LIG3: variants seen among roughly 807,000 people sequenced by gnomAD.
LIG3 encodes ligase II, DNA, ATP-dependent.
LIG3 carries 58 observed loss-of-function variants against 110.9 expected under a neutral mutation model. The observed-to-expected ratio is 0.52, with a 90% CI of 0.42 to 0.65. The LOEUF (loss-of-function observed/expected upper bound fraction) is 0.65. Ranked by LOEUF, LIG3 falls within the 30% of genes least tolerant of loss-of-function variation. The pLI, the probability that LIG3 is intolerant of heterozygous loss-of-function variation, is 0.00. For synonymous variants in LIG3, 422 were observed against 472.8 expected (o/e 0.89, Z 1.39); for missense variants, 1,094 against 1,273.8 (o/e 0.86, Z 2.15).
In LIG3 at chr17:34,992,699, A is replaced by G. The variant is rs747857463; in HGVS notation, c.1455+7A>G. ...ACCTGTGCAGCCCATGTTGGTGAGG[A>G]GTGCTCCCCTGCCTCTGCTTTCCAG... On this transcript the variant is annotated splice_region_variant and intron_variant, in intron 8 of 19. Coordinates refer to ENST00000378526, the MANE Select transcript of LIG3 (RefSeq NM_013975.4). 1.3e-6 allele frequency: 2 copies of G among 1,569,054 alleles called. No individual in the cohort carries two copies. The highest frequency in any genetic ancestry group is 1.7e-6 in the Non-Finnish European group (2 of 1,158,856).
At position 34,982,272 on chromosome 17, in the gene LIG3, G is replaced by C. The variant is rs543604603; in HGVS notation, c.-4-730G>C. Among the ~76,000 whole-genome samples the C allele has an allele frequency of 2.0e-5, 3 of 152,266 alleles. No homozygotes were observed. In the East Asian group the frequency reaches 5.8e-4, roughly 29 times the overall value. On this transcript the variant is annotated intron_variant, in intron 1 of 19. Transcript: ENST00000378526. The stretch of plus-strand genomic sequence containing the variant: ...CAATTCCAAATCTATATAGTGGCTT[G>C]ATTTCTGAGGATGGCATATGTGTTA...
chr17:34,991,184 TC>T, intron 5 of LIG3, 70 bp downstream of exon 5: 1 of 1,435,530 alleles, frequency 7.0e-7, no homozygotes, highest in Non-Finnish European at 9.5e-7. Context: ...ACCTGCAGCC[TC>T]TTTTTTTTTT....
intron 3 of LIG3, among the ~76,000 whole-genome samples, chr17:34,988,139 G>A (rs933052821): frequency 2.2e-5 from 3 of 138,248 alleles, no homozygotes; most frequent in African/African-American, 8.1e-5. Flanking sequence ...CCTGCAGTGA[G>A]CCAAGATCGC....
At chr17:34,998,348 CCT>C (rs1390093289) in intron 13 of LIG3, 52 bp downstream of exon 13, 4 of 1,509,374 alleles carry the variant, frequency 2.7e-6, no homozygotes, top group Non-Finnish European at 3.6e-6. Flanking sequence ...AGCCCTCTCC[CCT>C]GAGCCTTTCC....
chr17:35,004,178 C>T, intron 19 of LIG3, 95 bp from the exon 20 acceptor site: 1 of 863,424 alleles, frequency 1.2e-6, no homozygotes, highest in Non-Finnish European at 1.9e-6. Flanking sequence ...TGTCCTAACT[C>T]TAGGCTCCCT....
Position 34,983,468 on chromosome 17 carries a change from A to G in LIG3, c.463A>G (p.Lys155Glu), listed in dbSNP as rs991826335. ...ACTAGAGCGGGCCCGGGCCACCACA[A>G]AAAAAATCGAGGACCTCACAGAGCT... The part of the protein sequence containing the change: ...EKLERARATT[K>E]KIEDLTELEG... The change falls in exon 2 of 20, where the codon AAA (lysine) becomes GAA (glutamate). Residue 155 changes from lysine (K) to glutamate (E), a missense_variant. Coordinates refer to ENST00000378526, the MANE Select transcript of LIG3 (RefSeq NM_013975.4). 6.2e-7 allele frequency: 1 copy of G among 1,614,068 alleles called. No homozygotes were observed. Among genetic ancestry groups the G allele is most frequent in the Non-Finnish European group, 8.5e-7 (1 of 1,180,032 alleles).
At position 35,009,562 on chromosome 17, in the gene LIG3, T is replaced by C. The variant is rs1265321691; in HGVS notation, c.*5056T>C. 1 of 151,432 alleles carries C rather than the reference T, an allele frequency of 6.6e-6. No homozygotes were observed. Among genetic ancestry groups the C allele is most frequent in the Non-Finnish European group, 1.5e-5 (1 of 67,944 alleles). The allele number at this position is 151,432 out of a possible 1,614,324, so 9.4% of individuals were successfully genotyped here. The stretch of plus-strand genomic sequence containing the variant: ...AATGGGATCTTGGAACTCCCAACTT[T>C]AATTTGGTGTAATAAAAATGATGCA... On this transcript the variant is annotated 3_prime_UTR_variant, in exon 20 of 20. Transcript: ENST00000378526.
rs781345619 is a variant in LIG3, at chr17:34,989,585, G to A, written c.811G>A (p.Ala271Thr). The A allele has an allele frequency of 6.2e-6, 10 of 1,613,936 alleles. No homozygotes were observed. Among genetic ancestry groups the A allele is most frequent in the Admixed American group, 3.3e-5 (2 of 59,992 alleles). Residue 271 changes from alanine (A) to threonine (T), a missense_variant, in exon 4 of 20, where the codon GCC becomes ACC. By Grantham distance (58) the Ala-to-Thr change is moderately conservative. Transcript: ENST00000378526. The stretch of plus-strand genomic sequence containing the variant: ...GCTACGGGAGTTTCGAAAGTTATGC[G>A]CCATGGTGGCCGATAATCCTAGCTA... ...CLLREFRKLC[A>T]MVADNPSYNT...
intron 19 of LIG3, 92 bp downstream of exon 19, chr17:35,002,881 C>A: frequency 6.3e-7 from 1 of 1,585,138 alleles, no homozygotes. Flanking sequence ...AGAGGATGAG[C>A]AAAGGTGTTT....
In LIG3 at chr17:34,997,858, A is replaced by T. The variant is rs377141414; in HGVS notation, c.1911+33A>T. The T allele has an allele frequency of 1.5e-5, 24 of 1,553,168 alleles. No individual in the cohort carries two copies. The African/African-American group carries it at 2.8e-4, about 18-fold the overall frequency. Reference sequence around the variant, plus strand: ...AAGACCCTATGCTAGGCAGTGTCCTAGAAGTTTGAAAGCAGGGCAGAGAAC... The same window carrying T: ...AAGACCCTATGCTAGGCAGTGTCCTTGAAGTTTGAAAGCAGGGCAGAGAAC... On this transcript the variant is annotated intron_variant, in intron 12 of 19. Transcript: ENST00000378526.
chr17:34,983,973 G>A (rs758895279), intron 2 of LIG3, among the ~76,000 whole-genome samples: 5 of 152,124 alleles, frequency 3.3e-5, no homozygotes, highest in African/African-American at 4.8e-5. Context: ...ACACGTGTGC[G>A]TGCACTCACT....
chr17:34,999,278 C>A lies in LIG3; in HGVS notation c.2114-29C>A, dbSNP rs567770781. On this transcript the variant is annotated intron_variant, in intron 14 of 19. Coordinates refer to ENST00000378526, the MANE Select transcript of LIG3 (RefSeq NM_013975.4). Reference sequence around the variant, plus strand: ...GGACTGGCAGAGATGGCTCCTCCAACCCACACTCATCTCACACTCCCCTCC... The same window carrying A: ...GGACTGGCAGAGATGGCTCCTCCAAACCACACTCATCTCACACTCCCCTCC... 7.5e-6 allele frequency: 12 copies of A among 1,599,656 alleles called. No homozygotes were observed. The African/African-American group carries it at 1.6e-4, about 21-fold the overall frequency.
intron 1 of LIG3, among the ~76,000 whole-genome samples, chr17:34,981,872 T>C (rs2142224373): frequency 6.6e-6 from 1 of 152,360 alleles, no homozygotes; most frequent in South Asian, 2.1e-4. Context: ...TCCATTTGGA[T>C]TGATTTATGA....
At chr17:34,989,240 G>A (rs1363657028) in intron 3 of LIG3, among the ~76,000 whole-genome samples, 1 of 152,064 alleles carries the variant, frequency 6.6e-6, no homozygotes, top group Admixed American at 6.5e-5. Context: ...TGGGTCTAAG[G>A]AGGCCATTGT....
intron 3 of LIG3, among the ~76,000 whole-genome samples, chr17:34,986,818 A>G (rs1026512550): frequency 7.9e-5 from 12 of 152,332 alleles, no homozygotes; most frequent in South Asian, 2.1e-4. Context: ...CCTAGAAATG[A>G]AAGTATGAAA....
Position 34,998,673 on chromosome 17 carries a change from G to A in LIG3, c.2059G>A (p.Ala687Thr). The change falls in exon 14 of 20, where the codon GCC becomes ACC. Residue 687 changes from alanine to threonine, a missense_variant. Ala to Thr is a moderately conservative substitution (Grantham distance 58, BLOSUM62 0). Coordinates refer to ENST00000378526, the MANE Select transcript of LIG3 (RefSeq NM_013975.4). ...KKDYLNEGAM[A>T]DTADLVVLGA... ...AGACTATTTGAACGAGGGGGCCATG[G>A]CCGACACAGCTGACCTGGTGGTCCT... 6.2e-7 allele frequency: 1 copy of A among 1,614,204 alleles called. No homozygotes were observed. Among genetic ancestry groups the A allele is most frequent in the Non-Finnish European group, 8.5e-7 (1 of 1,180,028 alleles).
In LIG3 at chr17:34,999,368, A is replaced by G. The variant is rs1459549727; in HGVS notation, c.2175A>G (p.Thr725=). The change falls in exon 15 of 20, where the codon ACA becomes ACG. Residue 725 remains threonine (T), a synonymous_variant. Coordinates refer to ENST00000378526, the MANE Select transcript of LIG3 (RefSeq NM_013975.4). ...CYDPGSQKWC[T]VTKCAGGHDD... is the part of the protein sequence containing the mutation. Reference sequence around the variant, plus strand: ...ACCCTGGCAGCCAGAAGTGGTGCACAGTCACCAAGTGTGCAGGAGGCCATG... The same window carrying G: ...ACCCTGGCAGCCAGAAGTGGTGCACGGTCACCAAGTGTGCAGGAGGCCATG... 6.2e-7 allele frequency: 1 copy of G among 1,614,116 alleles called. No homozygotes were observed. The highest frequency in any genetic ancestry group is 1.3e-5 in the African/African-American group (1 of 75,046).
intron 2 of LIG3, among the ~76,000 whole-genome samples, chr17:34,983,940 G>A (rs2142232777): frequency 6.6e-6 from 1 of 152,266 alleles, no homozygotes; most frequent in Non-Finnish European, 1.5e-5. Context: ...TTGTTCATGT[G>A]CTGTCTCTCT....
chr17:34,994,196 C>T, intron 8 of LIG3, 80 bp from the exon 9 acceptor site: 1 of 1,411,360 alleles, frequency 7.1e-7, no homozygotes, highest in Non-Finnish European at 9.7e-7. Context: ...CCCTCACTAA[C>T]CCAGTTGCAA....
Sources: allele counts gnomAD v4.1 joint callset (sites outside exome capture counted in the v4.1 genomes callset), GRCh38; gene constraint gnomAD v4.1.1; transcripts MANE v1.5; gene names NCBI Gene and HGNC (gene_info 2026-07-23, HGNC 2026-07-21).